Variants in PKHD1 observed in about 807,000 individuals in gnomAD.
PKHD1 encodes PKHD1 ciliary IPT domain containing fibrocystin/polyductin.
A neutral mutation model predicts 412.0 loss-of-function variants in PKHD1; 291 were observed. The ratio of observed to expected loss-of-function variants is 0.71; its 90% CI spans 0.64 to 0.78. The LOEUF (loss-of-function observed/expected upper bound fraction) is 0.78. Among genes scored for constraint, PKHD1 ranks in the 30% least tolerant of loss-of-function variants. The pLI is 0.00. For missense variants in PKHD1, 4,825 were observed against 4,950.7 expected (o/e 0.97, Z 0.76); for synonymous variants, 1,777 against 1,821.5 (o/e 0.98, Z 0.62).
At chr6:51,716,714 A>G (rs569644991) in intron 60 of PKHD1, among the ~76,000 whole-genome samples, 1 of 152,166 alleles carries the variant, frequency 6.6e-6, no homozygotes, top group African/African-American at 2.4e-5. Flanking sequence ...GTAACAGCCA[A>G]AGAGAATTTA....
intron 52 of PKHD1, among the ~76,000 whole-genome samples, chr6:51,795,416 G>T (rs1794447340): frequency 6.6e-6 from 1 of 152,186 alleles, no homozygotes; most frequent in Admixed American, 6.5e-5. Context: ...ATCAGCTTAA[G>T]AAGCTTTTGG....
intron 60 of PKHD1, among the ~76,000 whole-genome samples, chr6:51,695,914 A>G (rs1052819712): frequency 6.6e-6 from 1 of 152,210 alleles, no homozygotes; most frequent in African/African-American, 2.4e-5. Context: ...AAAATGGCAC[A>G]AGCCCAAAGT....
intron 60 of PKHD1, among the ~76,000 whole-genome samples, chr6:51,669,704 A>G (rs1157416396): frequency 7.4e-6 from 1 of 134,444 alleles, no homozygotes; most frequent in East Asian, 2.1e-4. Context: ...ATTTCCCTCT[A>G]CACACTGCTT....
chr6:51,931,787 T>G (rs1203213873), intron 37 of PKHD1, among the ~76,000 whole-genome samples: 1 of 151,524 alleles, frequency 6.6e-6, no homozygotes, highest in East Asian at 1.9e-4. Context: ...TAACCAGTTT[T>G]GAAAATGGCC....
At chr6:51,887,316 T>G in intron 43 of PKHD1, 71 bp from the exon 44 acceptor site, 1 of 918,584 alleles carries the variant, frequency 1.1e-6, no homozygotes. Flanking sequence ...GAAAGACTCT[T>G]GTTTGTACTC....
intron 60 of PKHD1, among the ~76,000 whole-genome samples, chr6:51,725,850 C>A (rs1376809771): frequency 6.6e-6 from 1 of 152,150 alleles, no homozygotes; most frequent in African/African-American, 2.4e-5. Context: ...ACAGTCTTCA[C>A]CCAGTTCTAG....
intron 55 of PKHD1, among the ~76,000 whole-genome samples, chr6:51,755,276 A>C (rs9367448): frequency 0.32 from 48,652 of 152,116 alleles, 9,661 homozygotes; most frequent in East Asian, 0.7. Flanking sequence ...AACAGATTCA[A>C]TAATAACAGC....
chr6:51,992,322 T>C (rs1477175319), intron 35 of PKHD1, among the ~76,000 whole-genome samples: 5 of 152,216 alleles, frequency 3.3e-5, no homozygotes, highest in African/African-American at 7.2e-5. Context: ...TACCCTAATA[T>C]GTTTTTCTTT....
intron 57 of PKHD1, among the ~76,000 whole-genome samples, chr6:51,752,473 C>T (rs1166524598): frequency 1.3e-5 from 2 of 152,200 alleles, no homozygotes; most frequent in East Asian, 3.9e-4. Flanking sequence ...AAGGTCCAAA[C>T]ACTGCCCTTT....
chr6:51,690,512 C>T (rs1778035893), intron 60 of PKHD1, among the ~76,000 whole-genome samples: 1 of 152,088 alleles, frequency 6.6e-6, no homozygotes, highest in Admixed American at 6.6e-5. Flanking sequence ...AATAAGACCA[C>T]ACACCTACAA....
intron 60 of PKHD1, among the ~76,000 whole-genome samples, chr6:51,720,363 T>C (rs987684692): frequency 2.6e-5 from 4 of 152,130 alleles, no homozygotes; most frequent in Non-Finnish European, 5.9e-5. Context: ...GAACCAACTC[T>C]CATCCACATA....
At chr6:51,887,925 C>T (rs1020797606) in intron 43 of PKHD1, among the ~76,000 whole-genome samples, 7 of 152,224 alleles carry the variant, frequency 4.6e-5, no homozygotes, top group African/African-American at 1.7e-4. Context: ...GTATCTCATG[C>T]TCAAGCCTCT....
At chr6:51,640,396 C>A (rs1342045823) in intron 63 of PKHD1, among the ~76,000 whole-genome samples, 3 of 152,186 alleles carry the variant, frequency 2.0e-5, no homozygotes, top group African/African-American at 7.2e-5. Flanking sequence ...CCATATATAT[C>A]TATGATATTC....
chr6:52,073,399 T>C, intron 7 of PKHD1, 64 bp downstream of exon 7: 2 of 983,502 alleles, frequency 2.0e-6, no homozygotes, highest in Admixed American at 3.4e-5. Context: ...TCAGGGAAGC[T>C]GGTCCCAGGA....
intron 52 of PKHD1, among the ~76,000 whole-genome samples, chr6:51,810,873 G>A (rs1337749836): frequency 6.6e-6 from 1 of 152,150 alleles, no homozygotes; most frequent in Non-Finnish European, 1.5e-5. Flanking sequence ...TGGGGAAACA[G>A]AGAGACTTCT....
At position 52,055,632 on chromosome 6, in the gene PKHD1, A is replaced by C. The variant is rs1581991836; in HGVS notation, c.1791T>G (p.Thr597=). Residue 597 remains threonine, a synonymous_variant, in exon 19 of 67, where the codon ACT becomes ACG. Transcript: ENST00000371117. ...GATAGCCCTTCTGGGCAGCCGGGGG[A>C]GTAAGGACAAGGTGTCGAGGCTGAC... ...SLRQPRHLVL[T]PPAAQKGYRL... is the part of the protein sequence containing the mutation. 2 of 1,613,878 alleles carry C rather than the reference A, an allele frequency of 1.2e-6. No individual in the cohort carries two copies. Among genetic ancestry groups the C allele is most frequent in the East Asian group, 2.2e-5 (1 of 44,870 alleles).
rs189713881 is a variant in PKHD1 at position 51,905,835 on chromosome 6, T to A, written c.6808+380A>T. On this transcript the variant is annotated intron_variant, in intron 41 of 66. Transcript: ENST00000371117. Reference sequence around the variant, plus strand: ...GCTTCTTCAGCAAGCCACAGGAGCTTGAATTCTATTAAGAAGAGAATTCCA... The same window carrying A: ...GCTTCTTCAGCAAGCCACAGGAGCTAGAATTCTATTAAGAAGAGAATTCCA... Among the ~76,000 whole-genome samples the A allele has an allele frequency of 1.9e-3, 289 of 152,294 alleles. 3 individuals are homozygous for A. Among genetic ancestry groups the A allele is most frequent in the African/African-American group, 6.2e-3 (258 of 41,570 alleles).
intron 53 of PKHD1, among the ~76,000 whole-genome samples, chr6:51,777,654 A>C (rs1791250784): frequency 1.4e-5 from 2 of 139,394 alleles, no homozygotes; most frequent in African/African-American, 2.8e-5. Context: ...CATTTATTTC[A>C]CGGAGGGTAG....
At position 52,053,058 on chromosome 6, in the gene PKHD1, A is replaced by C; in HGVS notation, c.2140+18T>G. 1 of 1,612,006 alleles carries C rather than the reference A, an allele frequency of 6.2e-7. No homozygotes were observed. The highest frequency in any genetic ancestry group is 8.5e-7 in the Non-Finnish European group (1 of 1,178,670). ...GGCATGTGACCGGCTTGTGGAGGAG[A>C]GAGAATTTGATGATTACCTGTTACG... On this transcript the variant is annotated intron_variant, in intron 21 of 66. Transcript: ENST00000371117.
Sources: gnomAD v4.1 joint callset for allele counts (sites outside exome capture counted in the v4.1 genomes callset) on GRCh38, gnomAD v4.1.1 for gene constraint, MANE v1.5 for transcripts, NCBI Gene and HGNC (gene_info 2026-07-23, HGNC 2026-07-21) for gene names.